Variants in ZCWPW2 observed in about 807,000 individuals in gnomAD.
ZCWPW2 encodes the protein zinc finger CW-type PWWP domain protein 2.
ZCWPW2 carries 45 observed loss-of-function variants against 46.6 expected under a neutral mutation model. The observed-to-expected ratio is 0.96, with a 90% CI of 0.76 to 1.24. The LOEUF is 1.24. Among genes scored for constraint, ZCWPW2 ranks in the 50% most tolerant of loss-of-function variants. The probability of loss-of-function intolerance (pLI) is 0.00; values close to 1 mark genes in which losing one functional copy is unlikely to be tolerated. For missense variants in ZCWPW2, 429 were observed against 403.9 expected, an observed-to-expected ratio of 1.06 and a Z score of -0.53; for synonymous variants, 152 against 137.1, an observed-to-expected ratio of 1.11 and a Z score of -0.76.
At chr3:28,397,812 C>T (rs1021581785) in intron 2 of ZCWPW2, among the ~76,000 whole-genome samples, 7 of 152,226 alleles carry the variant, frequency 4.6e-5, no homozygotes, top group Admixed American at 2.0e-4. Flanking sequence ...CTATAATAAT[C>T]GTACTGTTAT....
At chr3:28,357,613 A>G (rs928759434) in intron 1 of ZCWPW2, among the ~76,000 whole-genome samples, 1 of 151,650 alleles carries the variant, frequency 6.6e-6, no homozygotes, top group African/African-American at 2.4e-5. Flanking sequence ...CTGGGACGTA[A>G]GTTTTCTGCC....
At chr3:28,425,204 A>T (rs901978153) in intron 3 of ZCWPW2, among the ~76,000 whole-genome samples, 1 of 152,204 alleles carries the variant, frequency 6.6e-6, no homozygotes, top group Non-Finnish European at 1.5e-5. Context: ...TGCCCAAAAA[A>T]TAAGCTGTAT....
Position 28,350,822 on chromosome 3 carries a change from A to G in ZCWPW2, c.-134+1619A>G, listed in dbSNP as rs17021381. On this transcript the variant is annotated intron_variant, in intron 1 of 9. Coordinates refer to ENST00000383768, the MANE Select transcript of ZCWPW2 (RefSeq NM_001040432.4). ...TCTTGATAAGGACATTTTATAGGAAAAGAGAATGGTTAGATAATTGTTAAG... is the reference window on the plus strand; with the variant it reads ...TCTTGATAAGGACATTTTATAGGAAGAGAGAATGGTTAGATAATTGTTAAG... Among the ~76,000 whole-genome samples the G allele has an allele frequency of 9.0e-3, 1,374 of 152,020 alleles. 45 individuals carry two copies. The highest frequency in any genetic ancestry group is 0.031 in the African/African-American group (1,270 of 41,312).
intron 6 of ZCWPW2, among the ~76,000 whole-genome samples, chr3:28,509,597 T>C (rs975051582): frequency 6.6e-6 from 1 of 152,190 alleles, no homozygotes; most frequent in Non-Finnish European, 1.5e-5. Flanking sequence ...ATTAAGCATC[T>C]TTTTGTGTGC....
At chr3:28,408,168 C>G (rs1022221242) in intron 2 of ZCWPW2, among the ~76,000 whole-genome samples, 1 of 152,148 alleles carries the variant, frequency 6.6e-6, no homozygotes, top group African/African-American at 2.4e-5. Flanking sequence ...ATCTTCTCAG[C>G]GTTATCCACT....
chr3:28,510,730 T>C (rs1700404087), intron 6 of ZCWPW2, among the ~76,000 whole-genome samples: 1 of 152,106 alleles, frequency 6.6e-6, no homozygotes, highest in African/African-American at 2.4e-5. Context: ...TGTTTCACTG[T>C]GCATCAGAGA....
intron 6 of ZCWPW2, among the ~76,000 whole-genome samples, chr3:28,501,659 A>C (rs1482635826): frequency 6.6e-6 from 1 of 152,188 alleles, no homozygotes; most frequent in Non-Finnish European, 1.5e-5. Context: ...AATCAAAATA[A>C]AGAATTTTCC....
At position 28,486,704 on chromosome 3, in the gene ZCWPW2, G is replaced by A. The variant is rs372795073; in HGVS notation, c.611-5423G>A. 1.2e-4 allele frequency among the ~76,000 whole-genome samples: 19 copies of A among 152,040 alleles called. 1 individual carries two copies. The East Asian group carries it at 2.3e-3, about 19-fold the overall frequency. ...AGCCTGGGCAACACGGTGAGATTCC[G>A]TCTCTATAAAAAATTCAAAAATTAG... On this transcript the variant is annotated intron_variant, in intron 5 of 9. Coordinates refer to ENST00000383768, the MANE Select transcript of ZCWPW2 (RefSeq NM_001040432.4).
intron 3 of ZCWPW2, among the ~76,000 whole-genome samples, chr3:28,417,213 A>G (rs949946363): frequency 6.6e-6 from 1 of 152,064 alleles, no homozygotes; most frequent in African/African-American, 2.4e-5. Flanking sequence ...AATACAAACT[A>G]CCATCAGAGA....
chr3:28,517,267 C>T (rs1275615201), intron 8 of ZCWPW2, among the ~76,000 whole-genome samples: 1 of 152,100 alleles, frequency 6.6e-6, no homozygotes, highest in Non-Finnish European at 1.5e-5. Context: ...TTAGTCTGTT[C>T]TTGCATTGCT....
At chr3:28,482,330 T>C (rs747694079) in intron 5 of ZCWPW2, among the ~76,000 whole-genome samples, 1 of 152,202 alleles carries the variant, frequency 6.6e-6, no homozygotes, top group Non-Finnish European at 1.5e-5. Flanking sequence ...GCTTGATAGA[T>C]CTTTTTTAAA....
chr3:28,395,207 T>G (rs1004575226), intron 2 of ZCWPW2, among the ~76,000 whole-genome samples: 2 of 152,066 alleles, frequency 1.3e-5, no homozygotes, highest in Non-Finnish European at 2.9e-5. Context: ...AAAACCACAA[T>G]GAGATAACTC....
intron 1 of ZCWPW2, among the ~76,000 whole-genome samples, chr3:28,382,693 A>G (rs556987065): frequency 6.6e-6 from 1 of 152,176 alleles, no homozygotes; most frequent in Non-Finnish European, 1.5e-5. Flanking sequence ...AAAAAGGTAC[A>G]TATAATATTT....
chr3:28,489,977 CAAA>C (rs1245173280), intron 5 of ZCWPW2, among the ~76,000 whole-genome samples: 1 of 151,166 alleles, frequency 6.6e-6, no homozygotes, highest in African/African-American at 2.4e-5. Flanking sequence ...TTATAATAAG[CAAA>C]AAATAACCCC....
At chr3:28,356,478 A>G (rs1029243392) in intron 1 of ZCWPW2, among the ~76,000 whole-genome samples, 5 of 152,240 alleles carry the variant, frequency 3.3e-5, no homozygotes, top group African/African-American at 9.6e-5. Flanking sequence ...TAGAAATACT[A>G]TTTGATCCAG....
At chr3:28,383,467 A>G (rs1301770358) in intron 1 of ZCWPW2, among the ~76,000 whole-genome samples, 1 of 152,100 alleles carries the variant, frequency 6.6e-6, no homozygotes, top group Non-Finnish European at 1.5e-5. Flanking sequence ...AACCTGCACA[A>G]TGCAGTTTTA....
intron 4 of ZCWPW2, among the ~76,000 whole-genome samples, chr3:28,455,017 G>A (rs1280784021): frequency 6.6e-6 from 1 of 152,154 alleles, no homozygotes; most frequent in East Asian, 1.9e-4. Flanking sequence ...GGATTGCTAG[G>A]TCTAATGGTA....
chr3:28,448,163 T>C (rs1698070062), intron 4 of ZCWPW2: 2 of 179,650 alleles, frequency 1.1e-5, no homozygotes, highest in South Asian at 1.4e-4. Flanking sequence ...AAATTATCTT[T>C]GTTTGCAGGT....
chr3:28,474,622 C>A, intron 4 of ZCWPW2, among the ~76,000 whole-genome samples: 1 of 89,488 alleles, frequency 1.1e-5, no homozygotes, highest in Non-Finnish European at 2.4e-5. Context: ...TGTGTGTGTG[C>A]GCGCGCGCGC....
Sources: gnomAD v4.1 joint callset for allele counts (sites outside exome capture counted in the v4.1 genomes callset) on GRCh38, gnomAD v4.1.1 for gene constraint, MANE v1.5 for transcripts, NCBI Gene and HGNC (gene_info 2026-07-23, HGNC 2026-07-21) for gene names.